Variants in ANTXRL observed in about 807,000 individuals in gnomAD.
ANTXRL encodes the protein anthrax toxin receptor-like.
In ANTXRL, 63 loss-of-function variants were observed where a neutral mutation model predicts 75.4. That is an observed-to-expected ratio of 0.84 (90% CI 0.68 to 1.03). ANTXRL has a LOEUF of 1.03. Ranked by LOEUF, ANTXRL falls within the 50% of genes least tolerant of loss-of-function variation. The pLI, the probability that ANTXRL is intolerant of heterozygous loss-of-function variation, is 0.00. For missense variants in ANTXRL, 797 were observed against 789.4 expected, an observed-to-expected ratio of 1.01 and a Z score of -0.12; for synonymous variants, 335 against 291.3, an observed-to-expected ratio of 1.15 and a Z score of -1.53.
chr10:46,295,799 T>C (rs1427624999), intron 3 of ANTXRL, among the ~76,000 whole-genome samples: 2 of 152,130 alleles, frequency 1.3e-5, no homozygotes, highest in Non-Finnish European at 2.9e-5. Flanking sequence ...CCTGGTGAAG[T>C]TCCCCAGGCC....
Position 46,328,746 on chromosome 10 carries a change from C to T in ANTXRL, c.1411-853C>T, listed in dbSNP as rs1350346540. Among the ~76,000 whole-genome samples, 52 of 151,824 alleles carry T rather than the reference C, an allele frequency of 3.4e-4. 2 individuals are homozygous for T. Among genetic ancestry groups the T allele is most frequent in the Non-Finnish European group, 4.7e-4 (32 of 67,996 alleles). On this transcript the variant is annotated intron_variant, in intron 16 of 16. Transcript: ENST00000620264. ...TGCCTTTCTTAACAAAAGCAGGCTT[C>T]GTTAGTAAGGAAGACAGGAAGAATG...
intron 10 of ANTXRL, among the ~76,000 whole-genome samples, chr10:46,305,506 G>T (rs569264430): frequency 6.6e-6 from 1 of 152,296 alleles, no homozygotes; most frequent in South Asian, 2.1e-4. Context: ...TGGCAAAAAA[G>T]TCAATACCAC....
At position 46,293,813 on chromosome 10, in the gene ANTXRL, C is replaced by A. The variant is rs1385768973; in HGVS notation, c.321-16C>A. 6.5e-7 allele frequency: 1 copy of A among 1,535,004 alleles called. No homozygotes were observed. Among genetic ancestry groups the A allele is most frequent in the Non-Finnish European group, 8.7e-7 (1 of 1,146,098 alleles). The stretch of plus-strand genomic sequence containing the variant: ...CTGTGCCACTGGCTTCTCACCAGCA[C>A]ATGATTCCTTCACAGCCCAAATATT... On this transcript the variant is annotated splice_polypyrimidine_tract_variant and intron_variant, in intron 2 of 16. Coordinates refer to ENST00000620264, the MANE Select transcript of ANTXRL (RefSeq NM_001278688.3).
intron 1 of ANTXRL, among the ~76,000 whole-genome samples, chr10:46,289,720 C>T (rs1247803506): frequency 4.3e-4 from 66 of 152,238 alleles, no homozygotes; most frequent in African/African-American, 1.3e-3. Flanking sequence ...CAGAGTGAGA[C>T]CCTGTCTCAA....
At chr10:46,290,663 G>A (rs1836946779) in intron 1 of ANTXRL, among the ~76,000 whole-genome samples, 2 of 152,104 alleles carry the variant, frequency 1.3e-5, no homozygotes, top group East Asian at 3.9e-4. Context: ...GGCTTTCATT[G>A]GCATTTCCCT....
At chr10:46,304,949 C>T (rs1334287836) in intron 10 of ANTXRL, among the ~76,000 whole-genome samples, 2 of 152,176 alleles carry the variant, frequency 1.3e-5, no homozygotes, top group African/African-American at 2.4e-5. Context: ...AGGCCAGCAC[C>T]GACGTCTCAC....
chr10:46,326,868 T>C lies in ANTXRL; in HGVS notation c.1411-2731T>C, dbSNP rs539719689. On this transcript the variant is annotated intron_variant, in intron 16 of 16. Transcript: ENST00000620264. ...GTCTGGGCCAAGCCCATAGACTCTC[T>C]GGTCGCTCTTGCTCTGGGTACGGCC... is the stretch of plus-strand genomic sequence containing the variant. 7.9e-5 allele frequency among the ~76,000 whole-genome samples: 12 copies of C among 152,260 alleles called. No homozygotes were observed. The South Asian group carries it at 1.2e-3, about 16-fold the overall frequency.
At chr10:46,309,648 A>G (rs543378527) in intron 13 of ANTXRL, among the ~76,000 whole-genome samples, 4 of 152,302 alleles carry the variant, frequency 2.6e-5, no homozygotes, top group East Asian at 3.9e-4. Flanking sequence ...AGCTGTCTGT[A>G]CCTTGAGGAA....
At chr10:46,287,786 A>T (rs1554955630) in intron 1 of ANTXRL, among the ~76,000 whole-genome samples, 2 of 152,090 alleles carry the variant, frequency 1.3e-5, no homozygotes, top group Non-Finnish European at 2.9e-5. Flanking sequence ...CAGCATCCTC[A>T]TCCTCACGCT....
chr10:46,325,290 C>A (rs566319015), intron 16 of ANTXRL, among the ~76,000 whole-genome samples: 1 of 152,154 alleles, frequency 6.6e-6, no homozygotes, highest in African/African-American at 2.4e-5. Context: ...AATCTCCTTT[C>A]CCAGTGTCCT....
intron 16 of ANTXRL, among the ~76,000 whole-genome samples, chr10:46,317,752 G>A (rs544864350): frequency 5.9e-5 from 9 of 152,008 alleles, no homozygotes; most frequent in Non-Finnish European, 1.0e-4. Context: ...TAACATAATC[G>A]GGAAATACAA....
rs1838524290 is a variant in ANTXRL, at chr10:46,313,123, C to T, written c.1330-113C>T. 5.2e-6 allele frequency: 5 copies of T among 970,500 alleles called. 2 individuals are homozygous for T. In the South Asian group the frequency reaches 7.0e-5, roughly 14 times the overall value. The allele number at this position is 970,500 out of a possible 1,614,324, so 60.1% of individuals were successfully genotyped here. The stretch of plus-strand genomic sequence containing the variant: ...CCCCTCCCCCAGAGGGGGATGGGAG[C>T]TTTGTCTGGGTGTTTTCCTGGGCAC... On this transcript the variant is annotated intron_variant, in intron 15 of 16. Transcript: ENST00000620264.
At chr10:46,311,081 A>AG (rs1554963360) in intron 14 of ANTXRL, among the ~76,000 whole-genome samples, 1 of 152,090 alleles carries the variant, frequency 6.6e-6, no homozygotes, top group Non-Finnish European at 1.5e-5. Context: ...GACCCACCCC[A>AG]GGGGCCATGG....
chr10:46,290,480 G>A (rs1354356370), intron 1 of ANTXRL, among the ~76,000 whole-genome samples: 2 of 152,178 alleles, frequency 1.3e-5, no homozygotes, highest in Non-Finnish European at 2.9e-5. Flanking sequence ...ATGCCAGGGA[G>A]TGCAATTGAT....
chr10:46,290,020 T>A (rs1248452342), intron 1 of ANTXRL, among the ~76,000 whole-genome samples: 1 of 151,868 alleles, frequency 6.6e-6, no homozygotes, highest in Non-Finnish European at 1.5e-5. Context: ...TTTCTCTGTA[T>A]GTATATGTAC....
chr10:46,315,306 G>A (rs1261737651), intron 16 of ANTXRL, among the ~76,000 whole-genome samples: 1 of 152,238 alleles, frequency 6.6e-6, no homozygotes, highest in Admixed American at 6.5e-5. Flanking sequence ...CAGCCCTGAG[G>A]CTGGAGGAGA....
At chr10:46,310,825 G>T (rs1210036597) in intron 14 of ANTXRL, among the ~76,000 whole-genome samples, 2 of 152,140 alleles carry the variant, frequency 1.3e-5, no homozygotes, top group Non-Finnish European at 2.9e-5. Flanking sequence ...AGGCGCTCTG[G>T]AAAAGGAGCC....
chr10:46,306,709 C>T (rs1442644717), intron 10 of ANTXRL, 94 bp from the exon 11 acceptor site: 3 of 1,126,136 alleles, frequency 2.7e-6, no homozygotes, highest in East Asian at 2.8e-5. Flanking sequence ...CGGTCCTGGG[C>T]CACAGGGTCA....
intron 16 of ANTXRL, among the ~76,000 whole-genome samples, chr10:46,321,190 G>T (rs1838962183): frequency 6.6e-6 from 1 of 152,162 alleles, no homozygotes; most frequent in Non-Finnish European, 1.5e-5. Context: ...AATTGCTCGG[G>T]TTTTATGCTG....
Sources: allele counts gnomAD v4.1 joint callset (sites outside exome capture counted in the v4.1 genomes callset), GRCh38; gene constraint gnomAD v4.1.1; transcripts MANE v1.5; gene names NCBI Gene and HGNC (gene_info 2026-07-23, HGNC 2026-07-21).